The following PHF24 variants were observed in gnomAD, a reference collection of about 807,000 sequenced individuals.
PHF24 encodes Galpha inhibitory interacting protein.
In PHF24, 25 loss-of-function variants were observed where a neutral mutation model predicts 42.6. That is an observed-to-expected ratio of 0.59 (90% CI 0.43 to 0.82). The LOEUF (loss-of-function observed/expected upper bound fraction) is 0.82, where lower values mean the gene tolerates loss of function less well. Among genes scored for constraint, PHF24 ranks in the 40% least tolerant of loss-of-function variants. The pLI is 0.00. For missense variants in PHF24, 470 were observed against 538.1 expected (o/e 0.87, Z 1.25); for synonymous variants, 185 against 204.8 (o/e 0.90, Z 0.83).
At chr9:34,951,952 T>C in the PHF24 span, among the ~76,000 whole-genome samples, 1 of 152,202 alleles carries the variant, frequency 6.6e-6, no homozygotes, top group Non-Finnish European at 1.5e-5. Flanking sequence ...TCATATTTAA[T>C]GTTGAAAAAC....
At chr9:34,917,464 G>A in the PHF24 span, 2 of 769,720 alleles carry the variant, frequency 2.6e-6, no homozygotes, top group Non-Finnish European at 4.9e-6. Context: ...CTAACAAGCT[G>A]GTATTGTGTG....
At chr9:34,731,852 G>A in the PHF24 span, among the ~76,000 whole-genome samples, 2 of 150,416 alleles carry the variant, frequency 1.3e-5, no homozygotes, top group African/African-American at 4.9e-5. Flanking sequence ...GTATTTTTAG[G>A]TTTTTTTTTC....
upstream of PHF24, among the ~76,000 whole-genome samples, chr9:34,955,570 G>A (rs189989596): frequency 1.3e-5 from 2 of 152,252 alleles, no homozygotes; most frequent in East Asian, 3.9e-4. Context: ...CTAGCTATTC[G>A]GGAGGCTGAA....
chr9:34,808,034 A>C, the PHF24 span, among the ~76,000 whole-genome samples: 1 of 152,186 alleles, frequency 6.6e-6, no homozygotes, highest in Non-Finnish European at 1.5e-5. Flanking sequence ...AGATCCTTGC[A>C]AAAACATATT....
At chr9:34,950,338 C>T in the PHF24 span, among the ~76,000 whole-genome samples, 6 of 128,706 alleles carry the variant, frequency 4.7e-5, no homozygotes, top group East Asian at 4.2e-4. Flanking sequence ...GGTGACAGAG[C>T]GAGACTCTGT....
the PHF24 span, among the ~76,000 whole-genome samples, chr9:34,822,624 G>C: frequency 6.6e-6 from 1 of 152,166 alleles, no homozygotes; most frequent in Non-Finnish European, 1.5e-5. Context: ...CGTGATTCCA[G>C]AATAATATAT....
At chr9:34,685,505 G>GT in the PHF24 span, among the ~76,000 whole-genome samples, 2 of 152,106 alleles carry the variant, frequency 1.3e-5, no homozygotes, top group African/African-American at 4.8e-5. Context: ...TTCCTCTCTT[G>GT]TTTTTTCCCC....
chr9:34,758,416 G>A, the PHF24 span, among the ~76,000 whole-genome samples: 1 of 152,118 alleles, frequency 6.6e-6, no homozygotes, highest in Non-Finnish European at 1.5e-5. The surrounding 1 kb of genome is among the most constrained non-coding windows in gnomAD (Gnocchi z 4.4). Context: ...TTAGGAGTGG[G>A]TTTGCCCTAG....
chr9:34,709,581 T>C, the PHF24 span: 2 of 1,614,096 alleles, frequency 1.2e-6, no homozygotes, highest in African/African-American at 1.3e-5. Flanking sequence ...GGCTGGTTTC[T>C]GTGGGGATGG....
chr9:34,801,930 G>A, the PHF24 span, among the ~76,000 whole-genome samples: 2 of 151,960 alleles, frequency 1.3e-5, no homozygotes, highest in South Asian at 4.2e-4. Flanking sequence ...CAAGGGGAGG[G>A]AGAGCATTAG....
the PHF24 span, among the ~76,000 whole-genome samples, chr9:34,873,875 T>C: frequency 3.3e-5 from 5 of 152,150 alleles, no homozygotes; most frequent in Non-Finnish European, 7.3e-5. Context: ...TCCTCTTTTA[T>C]TTCATTGAGC....
the PHF24 span, among the ~76,000 whole-genome samples, chr9:34,683,209 C>T: frequency 6.6e-6 from 1 of 152,098 alleles, no homozygotes; most frequent in South Asian, 2.1e-4. Flanking sequence ...TACAGGCATG[C>T]GCCACCATAC....
the PHF24 span, among the ~76,000 whole-genome samples, chr9:34,747,644 A>G: frequency 1.3e-5 from 2 of 152,228 alleles, no homozygotes; most frequent in Admixed American, 6.5e-5. Context: ...AAAATTGACA[A>G]TGCCAAGAGA....
At chr9:34,930,716 G>A in the PHF24 span, among the ~76,000 whole-genome samples, 1 of 152,120 alleles carries the variant, frequency 6.6e-6, no homozygotes, top group Non-Finnish European at 1.5e-5. Flanking sequence ...ATAGGGTCAG[G>A]GATGTGGAGA....
At chr9:34,958,220 C>CT (rs1563923983), upstream of PHF24, 1 of 158,416 alleles carries the variant, frequency 6.3e-6, no homozygotes, top group African/African-American at 2.4e-5. The surrounding 1 kb of genome is among the most constrained non-coding windows in gnomAD (Gnocchi z 4.5). Context: ...TGTGCTCCGG[C>CT]CGCGCGCGCC....
the PHF24 span, among the ~76,000 whole-genome samples, chr9:34,845,210 A>G: frequency 3.3e-5 from 5 of 152,200 alleles, no homozygotes; most frequent in East Asian, 5.8e-4. Flanking sequence ...ATTTCTATGT[A>G]TCTGTAAAGG....
chr9:34,752,461 C>G, the PHF24 span, among the ~76,000 whole-genome samples: 1 of 152,092 alleles, frequency 6.6e-6, no homozygotes, highest in Non-Finnish European at 1.5e-5. Context: ...TTCCTAGACA[C>G]AAACAACTTA....
chr9:34,917,862 G>C, the PHF24 span: 1 of 1,527,024 alleles, frequency 6.5e-7, no homozygotes, highest in Non-Finnish European at 9.1e-7. Context: ...TCGTGTGTGT[G>C]AAGACTTTGG....
At chr9:34,759,995 G>T in the PHF24 span, among the ~76,000 whole-genome samples, 5 of 152,250 alleles carry the variant, frequency 3.3e-5, no homozygotes, top group East Asian at 1.9e-4. Context: ...GAACAAGGGC[G>T]CATTCATGTA....
Sources: gnomAD v4.1 joint callset for allele counts (sites outside exome capture counted in the v4.1 genomes callset) on GRCh38, gnomAD v4.1.1 for gene constraint, Gnocchi (gnomAD v3.1) non-coding constraint, MANE v1.5 for transcripts, NCBI Gene and HGNC (gene_info 2026-07-23, HGNC 2026-07-21) for gene names.